The following TNRC6C variants were observed in gnomAD, a reference collection of about 807,000 sequenced individuals.
TNRC6C encodes the protein trinucleotide repeat-containing gene 6C protein.
TNRC6C carries 20 observed loss-of-function variants against 153.7 expected under a neutral mutation model. The observed-to-expected ratio is 0.13, with a 90% CI of 0.09 to 0.19. The LOEUF is 0.19. Among genes scored for constraint, TNRC6C ranks in the 10% least tolerant of loss-of-function variants. TNRC6C has a pLI of 1.00. For missense variants in TNRC6C, 1,987 were observed against 2,172.0 expected, an observed-to-expected ratio of 0.91 and a Z score of 1.69; for synonymous variants, 811 against 841.4, an observed-to-expected ratio of 0.96 and a Z score of 0.63.
chr17:77,974,451 C>T (rs945077348), intron 1 of TNRC6C, among the ~76,000 whole-genome samples: 1 of 152,064 alleles, frequency 6.6e-6, no homozygotes, highest in Non-Finnish European at 1.5e-5. Context: ...GTAAAATCAG[C>T]AGTCATGTCC....
chr17:78,054,195 G>T (rs72894065), intron 3 of TNRC6C, among the ~76,000 whole-genome samples: 1 of 152,234 alleles, frequency 6.6e-6, no homozygotes, highest in East Asian at 1.9e-4. Context: ...TGGTGCACCT[G>T]TATAGGGCAC....
At chr17:78,045,648 C>G (rs938967788) in intron 2 of TNRC6C, among the ~76,000 whole-genome samples, 1 of 152,144 alleles carries the variant, frequency 6.6e-6, no homozygotes, top group Admixed American at 6.5e-5. Context: ...TATTGTTTGC[C>G]TATATGTGGC....
chr17:77,981,522 C>T lies in TNRC6C; in HGVS notation c.-38+22254C>T, dbSNP rs146086871. 2.6e-5 allele frequency among the ~76,000 whole-genome samples: 4 copies of T among 152,282 alleles called. No homozygotes were observed. In the East Asian group the frequency reaches 7.7e-4, roughly 29 times the overall value. On this transcript the variant is annotated intron_variant, in intron 1 of 22. Coordinates refer to the TNRC6C transcript ENST00000636222. ...GGAATTATATGCCAGGAAGCAGGAT[C>T]GAAGACCAAATATATATTTCACAAT...
At chr17:77,974,499 A>C (rs1282784594) in intron 1 of TNRC6C, among the ~76,000 whole-genome samples, 1 of 151,688 alleles carries the variant, frequency 6.6e-6, no homozygotes, top group Non-Finnish European at 1.5e-5. Context: ...CCCAAAAAAA[A>C]AGTAAGAGGG....
chr17:77,996,913 A>G (rs772418075), intron 1 of TNRC6C, among the ~76,000 whole-genome samples: 1 of 152,196 alleles, frequency 6.6e-6, no homozygotes, highest in African/African-American at 2.4e-5. Flanking sequence ...GAGAGGAGGA[A>G]AGGAAGCTGA....
At chr17:77,995,206 G>C (rs1184733803) in intron 1 of TNRC6C, among the ~76,000 whole-genome samples, 1 of 152,208 alleles carries the variant, frequency 6.6e-6, no homozygotes, top group Non-Finnish European at 1.5e-5. Flanking sequence ...CATGGCTCAC[G>C]GGGTGGCAGA....
intron 2 of TNRC6C, among the ~76,000 whole-genome samples, chr17:78,036,204 T>A (rs2072175050): frequency 1.3e-5 from 2 of 152,206 alleles, no homozygotes; most frequent in African/African-American, 4.8e-5. Flanking sequence ...TTCCCAGGTG[T>A]CTTAGTACGT....
At chr17:77,987,558 A>AT (rs1367965889) in intron 1 of TNRC6C, among the ~76,000 whole-genome samples, 1 of 152,256 alleles carries the variant, frequency 6.6e-6, no homozygotes, top group Non-Finnish European at 1.5e-5. Flanking sequence ...GGGATTAGTG[A>AT]TAAAAACAGT....
At chr17:77,980,536 C>A (rs991909163) in intron 1 of TNRC6C, among the ~76,000 whole-genome samples, 31 of 152,300 alleles carry the variant, frequency 2.0e-4, no homozygotes, top group African/African-American at 7.2e-4. Flanking sequence ...TCTCACACAT[C>A]AAACAAGCAA....
At chr17:78,085,494 G>A (rs938285972) in intron 11 of TNRC6C, among the ~76,000 whole-genome samples, 10 of 152,078 alleles carry the variant, frequency 6.6e-5, no homozygotes, top group Admixed American at 5.9e-4. Flanking sequence ...CTACTTTGAT[G>A]AGTCTTGCCA....
At chr17:78,050,119 A>G (rs2072493137) in exon 3 of TNRC6C, 1 of 1,606,376 alleles carries the variant, frequency 6.2e-7, no homozygotes, top group African/African-American at 1.3e-5. Flanking sequence ...GCATTCCAAC[A>G]GTGACATCAA....
Position 78,067,933 on chromosome 17 carries a change from A to G in TNRC6C, c.2778+10A>G, listed in dbSNP as rs766661725. 6.2e-7 allele frequency: 1 copy of G among 1,604,470 alleles called. No individual in the cohort carries two copies. Among genetic ancestry groups the G allele is most frequent in the South Asian group, 1.1e-5 (1 of 89,600 alleles). ...AAAAGGACTTCAAAAGGTAAGTACA[A>G]CACTCTTAACGACGGTACACCCTGA... On this transcript the variant is annotated intron_variant, in intron 5 of 19. Transcript: ENST00000301624.
exon 3 of TNRC6C, chr17:78,050,852 G>A (rs1431612031): frequency 1.2e-6 from 2 of 1,613,986 alleles, no homozygotes; most frequent in South Asian, 1.1e-5. Flanking sequence ...GCAGGAGGGG[G>A]AGATTGGGCA....
chr17:78,074,360 T>A lies in TNRC6C; in HGVS notation c.2918-776T>A, dbSNP rs186546712. 1.2e-3 allele frequency among the ~76,000 whole-genome samples: 185 copies of A among 152,316 alleles called. 1 individual carries two copies. The highest frequency in any genetic ancestry group is 2.1e-3 in the Admixed American group (32 of 15,306). On this transcript the variant is annotated intron_variant, in intron 7 of 19. Coordinates refer to ENST00000301624, the Ensembl canonical transcript of TNRC6C. The stretch of plus-strand genomic sequence containing the variant: ...CCACAAACAGTGCCCCAATTACTGA[T>A]TTGGGGGTTACAAATTTTAGCAAGT...
intron 8 of TNRC6C, 135 bp from the exon 11 acceptor site, chr17:78,077,050 C>T: frequency 1.0e-6 from 1 of 953,354 alleles, no homozygotes; most frequent in Non-Finnish European, 1.5e-6. Flanking sequence ...ACATGTTCTC[C>T]ATTCCCTTAT....
At chr17:78,030,205 A>G (rs2072038371) in intron 1 of TNRC6C, among the ~76,000 whole-genome samples, 1 of 151,916 alleles carries the variant, frequency 6.6e-6, no homozygotes, top group Non-Finnish European at 1.5e-5. Context: ...CCTGGAGTGC[A>G]GTGGCACAGT....
rs548386703 is a variant in TNRC6C, at chr17:78,042,726, CAAT to C, written c.-218-6118_-218-6116del. Among the ~76,000 whole-genome samples, 202 of 151,274 alleles carry C rather than the reference CAAT, an allele frequency of 1.3e-3. 2 individuals carry two copies. The highest frequency in any genetic ancestry group is 3.4e-3 in the Middle Eastern group (1 of 294). ...GAGTTGGTGATGATGGTGGAGATAA[CAAT>C]GATGGTAGTGGTCATCATGATGCTG... On this transcript the variant is annotated intron_variant, in intron 2 of 19. Transcript: ENST00000301624.
rs540191161 is a variant in TNRC6C at position 77,960,259 on chromosome 17, A to G, written c.-38+991A>G. On this transcript the variant is annotated intron_variant, in intron 1 of 22. Transcript: ENST00000636222. ...TTCTAAACTCAAAATGGTGCTCTGTAGATGTCCAACTTCAGCGTCTTTAAG... is the reference window on the plus strand; with the variant it reads ...TTCTAAACTCAAAATGGTGCTCTGTGGATGTCCAACTTCAGCGTCTTTAAG... Among the ~76,000 whole-genome samples, 5 of 152,310 alleles carry G rather than the reference A, an allele frequency of 3.3e-5. No homozygotes were observed. In the East Asian group the frequency reaches 9.6e-4, roughly 29 times the overall value.
At chr17:78,077,719 G>A (rs987746993) in intron 9 of TNRC6C, 9 of 198,748 alleles carry the variant, frequency 4.5e-5, no homozygotes, top group African/African-American at 1.7e-4. Context: ...GTTGATCTGC[G>A]AGAAAGCACC....
Sources: allele counts gnomAD v4.1 joint callset (sites outside exome capture counted in the v4.1 genomes callset), GRCh38; gene constraint gnomAD v4.1.1; transcripts MANE v1.5; gene names NCBI Gene and HGNC (gene_info 2026-07-23, HGNC 2026-07-21).